Variants in SUCO observed in about 807,000 individuals in gnomAD.
SUCO encodes the protein SUN domain-containing ossification factor.
A neutral mutation model predicts 148.1 loss-of-function variants in SUCO; 57 were observed. The ratio of observed to expected loss-of-function variants is 0.38; its 90% CI spans 0.31 to 0.48. The LOEUF (loss-of-function observed/expected upper bound fraction) is 0.48. Among genes scored for constraint, SUCO ranks in the 20% least tolerant of loss-of-function variants. SUCO has a pLI of 0.96. For missense variants in SUCO, 1,331 were observed against 1,468.2 expected (o/e 0.91, Z 1.53); for synonymous variants, 470 against 502.7 (o/e 0.93, Z 0.87).
chr1:172,533,166 G>T lies in SUCO; in HGVS notation c.-270G>T, dbSNP rs988579851. ...GGGGAGGATATGGGGCGGCAGTGGC[G>T]GCTGCAGGAGGCGGGCGTGGACGAG... On this transcript the variant is annotated 5_prime_UTR_variant, in exon 1 of 24. Transcript: ENST00000263688. 4.8e-6 allele frequency: 7 copies of T among 1,471,982 alleles called. No homozygotes were observed. The Admixed American group carries it at 9.6e-5, about 20-fold the overall frequency. The allele number at this position is 1,471,982 out of a possible 1,614,324, so 91.2% of individuals were successfully genotyped here. A position where few individuals can be genotyped will look rare whatever the true frequency, so the allele number is the denominator to read the frequency against.
chr1:172,570,362 G>A (rs986760136), intron 8 of SUCO, 191 bp downstream of exon 8: 5 of 483,052 alleles, frequency 1.0e-5, no homozygotes, highest in Non-Finnish European at 1.5e-5. Flanking sequence ...ATTTTGCCCT[G>A]CATTTTTTAA....
chr1:172,607,209 T>C (rs942395848), intron 22 of SUCO, among the ~76,000 whole-genome samples: 3 of 151,982 alleles, frequency 2.0e-5, no homozygotes, highest in African/African-American at 4.8e-5. Flanking sequence ...CTTTGTGTGC[T>C]ACTTTTTCTC....
intron 22 of SUCO, among the ~76,000 whole-genome samples, chr1:172,603,595 T>G (rs890062544): frequency 7.9e-5 from 12 of 152,080 alleles, no homozygotes; most frequent in African/African-American, 2.9e-4. Context: ...CCTTGCTTTT[T>G]TCTTTTTCTT....
rs112482819 is a variant in SUCO, at chr1:172,590,374, G to A, written c.2825+448G>A. 3.9e-4 allele frequency: 382 copies of A among 985,066 alleles called. 2 individuals are homozygous for A. In the African/African-American group the frequency reaches 6.2e-3, roughly 16 times the overall value. 61.0% of individuals were successfully genotyped at this position (985,066 alleles called of 1,614,324 possible). A position where few individuals can be genotyped will look rare whatever the true frequency, so the allele number is the denominator to read the frequency against. Reference sequence around the variant, plus strand: ...AACTGGATGATTGGGCACATTTGCAGTTTGCTCTCTTTTAAACAGGTCTCG... The same window carrying A: ...AACTGGATGATTGGGCACATTTGCAATTTGCTCTCTTTTAAACAGGTCTCG... On this transcript the variant is annotated intron_variant, in intron 18 of 23. Coordinates refer to ENST00000263688, the MANE Select transcript of SUCO (RefSeq NM_014283.5).
chr1:172,562,327 A>AT (rs34871543), intron 6 of SUCO, among the ~76,000 whole-genome samples: 4,420 of 137,608 alleles, frequency 0.032, 188 homozygotes, highest in African/African-American at 0.095. Flanking sequence ...GGGTTTTAAC[A>AT]TTTTTTTTTT....
chr1:172,533,547 G>A (rs1379619927), intron 1 of SUCO, 50 bp downstream of exon 1: 1 of 1,494,004 alleles, frequency 6.7e-7, no homozygotes, highest in East Asian at 2.5e-5. Flanking sequence ...GTAAATGGGA[G>A]GGAGCAGCCC....
intron 8 of SUCO, 142 bp from the exon 9 acceptor site, chr1:172,570,520 CT>C: frequency 3.2e-6 from 2 of 624,816 alleles, no homozygotes; most frequent in East Asian, 2.8e-5. Context: ...CACTTTTATG[CT>C]TTTTTCCCAA....
At position 172,605,013 on chromosome 1, in the gene SUCO, T is replaced by G. The variant is rs904493213; in HGVS notation, c.3265+2226T>G. The stretch of plus-strand genomic sequence containing the variant: ...AGATATCTCTTTGCTCATTTTTTAG[T>G]TGGATTGTTTGAGTTTTTTGTTTTT... On this transcript the variant is annotated intron_variant, in intron 22 of 23. Transcript: ENST00000263688. Among the ~76,000 whole-genome samples the G allele has an allele frequency of 2.0e-5, 3 of 151,996 alleles. No homozygotes were observed. In the East Asian group the frequency reaches 5.8e-4, roughly 29 times the overall value.
chr1:172,607,758 TTA>T (rs1657954570), intron 22 of SUCO, among the ~76,000 whole-genome samples: 3 of 151,962 alleles, frequency 2.0e-5, no homozygotes, highest in African/African-American at 7.2e-5. Context: ...GACATCATTA[TTA>T]AAGAAAGTAA....
rs1010255328 is a variant in SUCO at position 172,611,577 on chromosome 1, A to C, written c.*1318A>C. 6.6e-6 allele frequency: 1 copy of C among 152,464 alleles called. No homozygotes were observed. Among genetic ancestry groups the C allele is most frequent in the Non-Finnish European group, 1.5e-5 (1 of 67,992 alleles). The allele number at this position is 152,464 out of a possible 1,614,324, so 9.4% of individuals were successfully genotyped here. On this transcript the variant is annotated 3_prime_UTR_variant, in exon 24 of 24. Coordinates refer to ENST00000263688, the MANE Select transcript of SUCO (RefSeq NM_014283.5). The stretch of plus-strand genomic sequence containing the variant: ...TATTTAACGCCTTTTTTGTTTGTTT[A>C]AGTTGCTGCTTTAGGTTAACAGCGT...
At chr1:172,594,061 G>T (rs144170803) in intron 19 of SUCO, among the ~76,000 whole-genome samples, 1 of 152,020 alleles carries the variant, frequency 6.6e-6, no homozygotes, top group Non-Finnish European at 1.5e-5. Context: ...GTTTATTTGC[G>T]TAGAGGTGTT....
rs1490915817 is a variant in SUCO, at chr1:172,590,452, C to T, written c.2825+526C>T. On this transcript the variant is annotated intron_variant, in intron 18 of 23. Coordinates refer to ENST00000263688, the MANE Select transcript of SUCO (RefSeq NM_014283.5). ...CTGCTTTTAAGTGCCAGAGACAGTG[C>T]CAATTCATTAAGACACCAGGCCTGG... The T allele has an allele frequency of 4.4e-6, 3 of 682,682 alleles. No homozygotes were observed. The East Asian group carries it at 4.1e-4, about 93-fold the overall frequency. 42.3% of individuals were successfully genotyped at this position (682,682 alleles called of 1,614,324 possible).
intron 1 of SUCO, among the ~76,000 whole-genome samples, chr1:172,540,098 C>T (rs2149217685): frequency 6.6e-6 from 1 of 152,284 alleles, no homozygotes; most frequent in African/African-American, 2.4e-5. Flanking sequence ...AAGGCAGACA[C>T]TCCATTTTAA....
At chr1:172,539,754 G>T (rs1010610909) in intron 1 of SUCO, among the ~76,000 whole-genome samples, 10 of 152,170 alleles carry the variant, frequency 6.6e-5, no homozygotes, top group African/African-American at 2.2e-4. Context: ...AGCTACTTTG[G>T]TAATTTGTTG....
chr1:172,579,524 C>T (rs1170915080), intron 15 of SUCO, among the ~76,000 whole-genome samples: 1 of 152,012 alleles, frequency 6.6e-6, no homozygotes, highest in Non-Finnish European at 1.5e-5. Context: ...GGACAGATTC[C>T]TTATAGTGAA....
At chr1:172,569,945 A>G in intron 7 of SUCO, 102 bp from the exon 8 acceptor site, 1 of 1,107,538 alleles carries the variant, frequency 9.0e-7, no homozygotes, top group Non-Finnish European at 1.2e-6. Flanking sequence ...ATTCTTTTCT[A>G]GAAGACAGCT....
chr1:172,597,509 C>G (rs77844819), intron 19 of SUCO, among the ~76,000 whole-genome samples: 5,128 of 152,206 alleles, frequency 0.034, 265 homozygotes, highest in African/African-American at 0.12. Flanking sequence ...TTGTTAAACT[C>G]TAAAATATTT....
chr1:172,609,334 T>C (rs887409681), intron 23 of SUCO: 3 of 985,180 alleles, frequency 3.0e-6, no homozygotes, highest in Non-Finnish European at 3.6e-6. Context: ...TAGTTGTAAT[T>C]TCATCTAGGT....
At position 172,573,967 on chromosome 1, in the gene SUCO, C is replaced by A. The variant is rs749476425; in HGVS notation, c.1126C>A (p.Pro376Thr). The A allele has an allele frequency of 1.3e-6, 2 of 1,594,250 alleles. No homozygotes were observed. The highest frequency in any genetic ancestry group is 3.4e-5 in the Admixed American group (2 of 59,548). The change falls in exon 10 of 24, where the codon CCT (proline) becomes ACT (threonine). Residue 376 changes from proline (P) to threonine (T), a missense_variant. This residue lies in a region of SUCO where 992 missense variants were observed against 1,093.5 expected (regional missense o/e 0.91). Coordinates refer to ENST00000263688, the MANE Select transcript of SUCO (RefSeq NM_014283.5). ...IANYELFSSTPKDFLVSISDR... is the reference protein window; with the variant it reads ...IANYELFSSTTKDFLVSISDR... Reference sequence around the variant, plus strand: ...AAATTATGAATTATTTTCTTCTACTCCTAAAGATTTTCTGGTTTCTATCAG... The same window carrying A: ...AAATTATGAATTATTTTCTTCTACTACTAAAGATTTTCTGGTTTCTATCAG...
Sources: gnomAD v4.1 joint callset for allele counts (sites outside exome capture counted in the v4.1 genomes callset) on GRCh38, gnomAD v4.1.1 for gene constraint, gnomAD v4.1.1 regional missense constraint, MANE v1.5 for transcripts, NCBI Gene and HGNC (gene_info 2026-07-23, HGNC 2026-07-21) for gene names.